The following ARID4B variants were observed in gnomAD, a reference collection of about 807,000 sequenced individuals.
ARID4B encodes the protein AT-rich interaction domain 4B, also known as AT-rich interactive domain-containing protein 4B.
ARID4B carries 26 observed loss-of-function variants against 147.5 expected under a neutral mutation model. The observed-to-expected ratio is 0.18, with a 90% CI of 0.13 to 0.24. The LOEUF is 0.24. Among genes scored for constraint, ARID4B ranks in the 10% least tolerant of loss-of-function variants. ARID4B has a pLI of 1.00. For missense variants in ARID4B, 1,179 were observed against 1,511.5 expected (o/e 0.78, Z 3.65); for synonymous variants, 512 against 507.9 (o/e 1.01, Z -0.11).
chr1:235,171,674 T>C (rs960608034), intron 23 of ARID4B, among the ~76,000 whole-genome samples: 2 of 151,938 alleles, frequency 1.3e-5, no homozygotes, highest in African/African-American at 4.8e-5. Flanking sequence ...AGTTTAGCTC[T>C]TGTTGCCCAG....
intron 11 of ARID4B, among the ~76,000 whole-genome samples, chr1:235,226,200 T>C (rs531533035): frequency 1.6e-4 from 25 of 152,370 alleles, no homozygotes; most frequent in Admixed American, 1.6e-3. Context: ...TAGCTATTTA[T>C]CATCTGTTAT....
intron 21 of ARID4B, chr1:235,176,606 C>T (rs944681739): frequency 4.3e-6 from 1 of 234,952 alleles, no homozygotes; most frequent in African/African-American, 2.2e-5. Context: ...CCCAGCTCCC[C>T]CACTGCTGCT....
intron 19 of ARID4B, chr1:235,190,224 G>A (rs576813569): frequency 6.6e-6 from 1 of 152,340 alleles, no homozygotes; most frequent in Admixed American, 6.5e-5. Context: ...GAGGTGAGTG[G>A]ATCACTTGAG....
chr1:235,260,802 C>A, intron 2 of ARID4B, 50 bp from the exon 3 acceptor site: 1 of 1,287,496 alleles, frequency 7.8e-7, no homozygotes, highest in East Asian at 2.4e-5. Flanking sequence ...AATTCTTTCC[C>A]ATAATCAGAC....
In ARID4B at chr1:235,213,752, G is replaced by C; in HGVS notation, c.1841+17C>G. On this transcript the variant is annotated intron_variant, in intron 17 of 23. Transcript: ENST00000264183. ...AATTGTTTTTAGGTAATAATCACTA[G>C]CTAAAACTCAAGTTACCTCACATTC... 6.2e-7 allele frequency: 1 copy of C among 1,601,368 alleles called. No individual in the cohort carries two copies. The highest frequency in any genetic ancestry group is 8.5e-7 in the Non-Finnish European group (1 of 1,172,634).
chr1:235,191,753 T>G (rs1665128116), intron 19 of ARID4B, among the ~76,000 whole-genome samples: 1 of 152,184 alleles, frequency 6.6e-6, no homozygotes, highest in Non-Finnish European at 1.5e-5. Flanking sequence ...AAAACTAGGC[T>G]TATGCTTGTT....
chr1:235,249,339 AT>A (rs1328987091), intron 6 of ARID4B, among the ~76,000 whole-genome samples: 1 of 152,174 alleles, frequency 6.6e-6, no homozygotes, highest in Non-Finnish European at 1.5e-5. Context: ...TCTCAAAAAA[AT>A]AAATAAATAA....
At chr1:235,294,020 T>C (rs1411163801) in intron 2 of ARID4B, among the ~76,000 whole-genome samples, 3 of 152,164 alleles carry the variant, frequency 2.0e-5, no homozygotes, top group Non-Finnish European at 4.4e-5. Context: ...TCTACAAATA[T>C]CATAATCTTA....
intron 16 of ARID4B, among the ~76,000 whole-genome samples, chr1:235,216,925 A>G (rs1386903323): frequency 6.6e-6 from 1 of 152,138 alleles, no homozygotes; most frequent in Non-Finnish European, 1.5e-5. Flanking sequence ...TCATATAAAA[A>G]TGAGATATAG....
At chr1:235,322,299 T>C (rs56213496) in intron 2 of ARID4B, among the ~76,000 whole-genome samples, 5,998 of 152,154 alleles carry the variant, frequency 0.039, 454 homozygotes, top group African/African-American at 0.14. Context: ...GGATTACAGG[T>C]GTGAGACACC....
At chr1:235,221,984 A>C (rs1277438599) in intron 13 of ARID4B, among the ~76,000 whole-genome samples, 1 of 138,996 alleles carries the variant, frequency 7.2e-6, no homozygotes, top group Non-Finnish European at 1.5e-5. Flanking sequence ...AACACAGCTC[A>C]CTGCAGCCCT....
chr1:235,175,570 C>A, intron 21 of ARID4B, 171 bp from the exon 22 acceptor site: 9 of 599,682 alleles, frequency 1.5e-5, no homozygotes, highest in Non-Finnish European at 2.3e-5. Context: ...AAAGCAAAAA[C>A]AAAAAATTCT....
intron 20 of ARID4B, among the ~76,000 whole-genome samples, chr1:235,179,326 G>A (rs188771744): frequency 2.1e-4 from 32 of 151,922 alleles, no homozygotes; most frequent in African/African-American, 5.8e-4. Flanking sequence ...CTGAGGTCAG[G>A]AGTTCGTAGA....
chr1:235,216,333 A>T (rs575385730), intron 16 of ARID4B, among the ~76,000 whole-genome samples: 2 of 115,136 alleles, frequency 1.7e-5, no homozygotes, highest in South Asian at 2.4e-4. Context: ...ACACACACAC[A>T]TATATACGTG....
chr1:235,173,742 T>TAAAAAAAAAAAAAAAA (rs755815257), intron 22 of ARID4B, among the ~76,000 whole-genome samples: 1 of 26,262 alleles, frequency 3.8e-5, no homozygotes, highest in African/African-American at 1.5e-4. Context: ...CGTCTCTATT[T>TAAAAAAAAAAAAAAAA]AAAAAAAAAA....
At chr1:235,243,416 T>C (rs1669114971) in intron 7 of ARID4B, among the ~76,000 whole-genome samples, 1 of 152,200 alleles carries the variant, frequency 6.6e-6, no homozygotes, top group Admixed American at 6.5e-5. Context: ...TTGATTTTTA[T>C]TCATTTCTGA....
intron 2 of ARID4B, among the ~76,000 whole-genome samples, chr1:235,263,010 G>A (rs567455796): frequency 6.6e-6 from 1 of 152,026 alleles, no homozygotes; most frequent in Non-Finnish European, 1.5e-5. Flanking sequence ...GGAAATTTCA[G>A]TTCACTTTGT....
At chr1:235,237,914 G>C (rs763573031) in intron 8 of ARID4B, among the ~76,000 whole-genome samples, 1 of 152,080 alleles carries the variant, frequency 6.6e-6, no homozygotes, top group Non-Finnish European at 1.5e-5. Context: ...ATTTTGGGAG[G>C]CTGAGGCGGG....
At chr1:235,172,964 G>A (rs951996023) in intron 22 of ARID4B, among the ~76,000 whole-genome samples, 200 bp from the exon 23 acceptor site, 2 of 152,162 alleles carry the variant, frequency 1.3e-5, no homozygotes, top group African/African-American at 2.4e-5. Flanking sequence ...AGTATTTGTT[G>A]AATGAATATG....
Sources: gnomAD v4.1 joint callset for allele counts (sites outside exome capture counted in the v4.1 genomes callset) on GRCh38, gnomAD v4.1.1 for gene constraint, MANE v1.5 for transcripts, NCBI Gene and HGNC (gene_info 2026-07-23, HGNC 2026-07-21) for gene names.